Variants in PLXDC2 observed in about 807,000 individuals in gnomAD.
PLXDC2 encodes the protein plexin domain-containing protein 2.
In PLXDC2, 40 loss-of-function variants were observed where a neutral mutation model predicts 68.9. The observed-to-expected ratio is 0.58, with a 90% CI of 0.45 to 0.76. The LOEUF (loss-of-function observed/expected upper bound fraction) is 0.76. Ranked by LOEUF, PLXDC2 falls within the 30% of genes least tolerant of loss-of-function variation. The pLI is 0.00. For missense variants in PLXDC2, 644 were observed against 661.9 expected, an observed-to-expected ratio of 0.97 and a Z score of 0.30; for synonymous variants, 243 against 234.2, an observed-to-expected ratio of 1.04 and a Z score of -0.34.
chr10:20,099,885 T>C (rs1476308921), intron 4 of PLXDC2, among the ~76,000 whole-genome samples: 1 of 152,144 alleles, frequency 6.6e-6, no homozygotes, highest in Non-Finnish European at 1.5e-5. Flanking sequence ...ATACCTTTTG[T>C]GCAAAAGTAA....
rs551521951 is a variant in PLXDC2, at chr10:20,032,322, T to A, written c.325-14547T>A. On this transcript the variant is annotated intron_variant, in intron 2 of 13. Coordinates refer to ENST00000377252, the MANE Select transcript of PLXDC2 (RefSeq NM_032812.9). ...AACAAGAAAACCATTGTGGTTGGTG[T>A]GGCATGTGAGATGAGGAAAATGAAG... Among the ~76,000 whole-genome samples the A allele has an allele frequency of 6.0e-4, 91 of 152,290 alleles. 1 individual carries two copies. The highest frequency in any genetic ancestry group is 1.1e-3 in the Non-Finnish European group (73 of 68,022).
chr10:19,847,325 A>C (rs925318589), intron 1 of PLXDC2, among the ~76,000 whole-genome samples: 12 of 152,188 alleles, frequency 7.9e-5, no homozygotes, highest in African/African-American at 2.9e-4. Flanking sequence ...ATGTGTGGCA[A>C]AATGAATGAT....
At chr10:20,173,681 A>C (rs1194501763) in intron 7 of PLXDC2, among the ~76,000 whole-genome samples, 1 of 152,186 alleles carries the variant, frequency 6.6e-6, no homozygotes, top group African/African-American at 2.4e-5. Flanking sequence ...ATTGGAGTTG[A>C]ATCACCATCG....
At chr10:20,069,873 G>A (rs920762740) in intron 4 of PLXDC2, among the ~76,000 whole-genome samples, 1 of 152,008 alleles carries the variant, frequency 6.6e-6, no homozygotes. Flanking sequence ...AAATACAAAT[G>A]ATAAGCTATG....
intron 12 of PLXDC2, among the ~76,000 whole-genome samples, chr10:20,234,771 G>A (rs574127097): frequency 1.3e-5 from 2 of 149,676 alleles, no homozygotes; most frequent in Non-Finnish European, 3.0e-5. Context: ...GCTATAATGC[G>A]CATCAAACCA....
At chr10:19,997,504 T>C (rs1048174050) in intron 1 of PLXDC2, among the ~76,000 whole-genome samples, 1 of 152,234 alleles carries the variant, frequency 6.6e-6, no homozygotes, top group Non-Finnish European at 1.5e-5. Flanking sequence ...ATTTATGCAG[T>C]TACTTTTTGG....
rs781350944 is a variant in PLXDC2 at position 20,106,176 on chromosome 10, T to G, written c.542-37119T>G. On this transcript the variant is annotated intron_variant, in intron 4 of 13. Coordinates refer to ENST00000377252, the MANE Select transcript of PLXDC2 (RefSeq NM_032812.9). ...TCCTTGTGTTTTACGTTTTGTAAAA[T>G]TCATTGGTAGGTTGAAGAATCTCCA... 6.6e-5 allele frequency among the ~76,000 whole-genome samples: 10 copies of G among 152,182 alleles called. 1 individual carries two copies. The highest frequency in any genetic ancestry group is 1.3e-4 in the Non-Finnish European group (9 of 68,026).
At chr10:20,134,519 G>A (rs1833908584) in intron 4 of PLXDC2, among the ~76,000 whole-genome samples, 2 of 152,124 alleles carry the variant, frequency 1.3e-5, no homozygotes, top group African/African-American at 2.4e-5. Flanking sequence ...AGCTAACCTG[G>A]TGCCTGGGTC....
At chr10:19,870,793 G>A (rs1837519980) in intron 1 of PLXDC2, among the ~76,000 whole-genome samples, 3 of 152,158 alleles carry the variant, frequency 2.0e-5, no homozygotes, top group African/African-American at 7.2e-5. Flanking sequence ...CACCTGTTTG[G>A]TGTCAGGCTC....
chr10:19,963,567 C>G (rs1834196959), intron 1 of PLXDC2, among the ~76,000 whole-genome samples: 1 of 152,126 alleles, frequency 6.6e-6, no homozygotes, highest in Non-Finnish European at 1.5e-5. Context: ...AACCATCATT[C>G]TCAGCAAACT....
chr10:20,168,230 T>C (rs1834400034), intron 7 of PLXDC2, among the ~76,000 whole-genome samples: 1 of 152,166 alleles, frequency 6.6e-6, no homozygotes, highest in African/African-American at 2.4e-5. Context: ...TGATTATTGG[T>C]CATGAAACAT....
At chr10:20,273,520 C>T (rs112611155) in intron 13 of PLXDC2, among the ~76,000 whole-genome samples, 9 of 150,086 alleles carry the variant, frequency 6.0e-5, no homozygotes, top group Non-Finnish European at 1.2e-4. Context: ...ATACATAGAG[C>T]ACGATATAGA....
intron 12 of PLXDC2, among the ~76,000 whole-genome samples, chr10:20,232,896 G>A (rs2249520): frequency 0.75 from 113,878 of 152,050 alleles, 43,252 homozygotes; most frequent in Middle Eastern, 0.85. Flanking sequence ...CTCTGTAAAA[G>A]TAAAAAAAGA....
intron 1 of PLXDC2, among the ~76,000 whole-genome samples, chr10:19,983,092 A>G (rs1285369765): frequency 6.6e-6 from 1 of 152,192 alleles, no homozygotes; most frequent in African/African-American, 2.4e-5. Context: ...GATGATATAA[A>G]TCCTCTTCTA....
intron 4 of PLXDC2, among the ~76,000 whole-genome samples, chr10:20,069,154 T>C (rs1037252515): frequency 3.3e-5 from 5 of 151,794 alleles, no homozygotes; most frequent in South Asian, 4.1e-4. Context: ...ATGTTAAGTA[T>C]TGCCATTTTT....
At chr10:20,030,392 T>C (rs980070664) in intron 2 of PLXDC2, among the ~76,000 whole-genome samples, 2 of 152,232 alleles carry the variant, frequency 1.3e-5, no homozygotes, top group African/African-American at 4.8e-5. Flanking sequence ...TTGTAGGCAA[T>C]GCCTCAAGAG....
chr10:19,953,057 G>A (rs1488770183), intron 1 of PLXDC2, among the ~76,000 whole-genome samples: 3 of 152,252 alleles, frequency 2.0e-5, no homozygotes, highest in African/African-American at 7.2e-5. Flanking sequence ...GTAGAGACAG[G>A]GTTTGACCAT....
At chr10:19,868,815 C>T (rs559058179) in intron 1 of PLXDC2, among the ~76,000 whole-genome samples, 12 of 152,228 alleles carry the variant, frequency 7.9e-5, no homozygotes, top group Middle Eastern at 3.4e-3. Context: ...TCAAAACATA[C>T]CAAGTATATA....
At chr10:19,936,672 A>G (rs1246750259) in intron 1 of PLXDC2, among the ~76,000 whole-genome samples, 1 of 152,180 alleles carries the variant, frequency 6.6e-6, no homozygotes, top group Non-Finnish European at 1.5e-5. Context: ...GCCGTGATGT[A>G]TTGTTGGTAA....
Sources: allele counts gnomAD v4.1 joint callset (sites outside exome capture counted in the v4.1 genomes callset), GRCh38; gene constraint gnomAD v4.1.1; transcripts MANE v1.5; gene names NCBI Gene and HGNC (gene_info 2026-07-23, HGNC 2026-07-21).